The following ADAMTS17 variants were observed in gnomAD, a reference collection of about 807,000 sequenced individuals.
ADAMTS17 encodes the protein A disintegrin and metalloproteinase with thrombospondin motifs 17.
ADAMTS17 carries 113 observed loss-of-function variants against 141.5 expected under a neutral mutation model. That is an observed-to-expected ratio of 0.80 (90% confidence interval 0.69 to 0.93). The LOEUF is 0.93. ADAMTS17 is among the 40% of genes least tolerant of loss of function. The probability of loss-of-function intolerance (pLI) is 0.00; values close to 1 mark genes in which losing one functional copy is unlikely to be tolerated. For synonymous variants in ADAMTS17, 768 were observed against 630.6 expected, an observed-to-expected ratio of 1.22 and a Z score of -3.27; for missense variants, 1,659 against 1,517.9, an observed-to-expected ratio of 1.09 and a Z score of -1.54.
chr15:100,340,044 T>C (rs752167568), intron 2 of ADAMTS17, among the ~76,000 whole-genome samples: 9 of 152,144 alleles, frequency 5.9e-5, no homozygotes, highest in South Asian at 2.1e-4. Flanking sequence ...AGACACAAAC[T>C]AATATCAGAA....
At chr15:100,097,967 G>A (rs2035865192) in intron 14 of ADAMTS17, among the ~76,000 whole-genome samples, 1 of 152,218 alleles carries the variant, frequency 6.6e-6, no homozygotes, top group Admixed American at 6.5e-5. Context: ...AAGACTTTTA[G>A]ATGTTCTAAA....
At chr15:100,213,218 T>A (rs4246305) in intron 7 of ADAMTS17, among the ~76,000 whole-genome samples, 23,408 of 152,194 alleles carry the variant, frequency 0.15, 1,914 homozygotes, top group Non-Finnish European at 0.17. Context: ...TGAACATCCA[T>A]GGAGATGGAC....
chr15:100,053,954 C>T lies in ADAMTS17; in HGVS notation c.2238G>A (p.Arg746=). ...TGGCAGAGATCTTCTCCCACAGCCCCCTTCTCACATAGCGAACAGTTGTGC... is the reference window on the plus strand; with the variant it reads ...TGGCAGAGATCTTCTCCCACAGCCCTCTTCTCACATAGCGAACAGTTGTGC... ...IAGTTVRYVR[R]GLWEKISAKG... is the part of the protein sequence containing the mutation. The change falls in exon 16 of 22, where the codon AGG becomes AGA. Residue 746 remains arginine, a synonymous_variant. Transcript: ENST00000268070. 4 of 1,614,200 alleles carry T rather than the reference C, an allele frequency of 2.5e-6. No individual in the cohort carries two copies. The highest frequency in any genetic ancestry group is 1.3e-5 in the African/African-American group (1 of 75,036).
chr15:100,227,806 G>A (rs1337275913), intron 7 of ADAMTS17, among the ~76,000 whole-genome samples: 9 of 152,214 alleles, frequency 5.9e-5, no homozygotes, highest in African/African-American at 1.4e-4. Context: ...ATGGACTGTC[G>A]TGACCGGCTT....
At chr15:100,110,391 A>C (rs1000858648) in intron 13 of ADAMTS17, among the ~76,000 whole-genome samples, 1 of 151,302 alleles carries the variant, frequency 6.6e-6, no homozygotes, top group African/African-American at 2.4e-5. Flanking sequence ...CAGCCTCCCG[A>C]GTAGCTGGGA....
chr15:99,995,279 G>A (rs2060776754), intron 19 of ADAMTS17, among the ~76,000 whole-genome samples: 2 of 152,314 alleles, frequency 1.3e-5, no homozygotes, highest in South Asian at 2.1e-4. Context: ...CTGCAACCAG[G>A]AACCCATGCA....
chr15:100,067,961 T>C (rs1215050079), intron 15 of ADAMTS17, among the ~76,000 whole-genome samples: 1 of 152,144 alleles, frequency 6.6e-6, no homozygotes, highest in Non-Finnish European at 1.5e-5. Flanking sequence ...AGGCATCCCA[T>C]CACCCGGGAA....
At chr15:100,157,150 G>C (rs901099482) in intron 8 of ADAMTS17, among the ~76,000 whole-genome samples, 2 of 152,102 alleles carry the variant, frequency 1.3e-5, no homozygotes, top group Non-Finnish European at 2.9e-5. Context: ...CACAAGAACA[G>C]GACAGAGGAA....
intron 15 of ADAMTS17, among the ~76,000 whole-genome samples, chr15:100,074,711 G>T (rs542825236): frequency 6.6e-6 from 1 of 151,920 alleles, no homozygotes; most frequent in African/African-American, 2.4e-5. Context: ...TTCGGTTTTG[G>T]TATCAGTATT....
chr15:100,172,784 G>C (rs1011967752), intron 8 of ADAMTS17, among the ~76,000 whole-genome samples: 4 of 152,204 alleles, frequency 2.6e-5, no homozygotes, highest in African/African-American at 9.7e-5. Context: ...GTTCTGGTGT[G>C]CTCTCACCAT....
At chr15:100,244,234 C>A (rs2141912713) in intron 7 of ADAMTS17, among the ~76,000 whole-genome samples, 1 of 151,836 alleles carries the variant, frequency 6.6e-6, no homozygotes, top group South Asian at 2.1e-4. Flanking sequence ...CAATTACCTC[C>A]CACCAGGTCC....
intron 7 of ADAMTS17, among the ~76,000 whole-genome samples, chr15:100,227,349 C>T (rs1044100572): frequency 1.3e-5 from 1 of 77,228 alleles, no homozygotes; most frequent in African/African-American, 5.0e-5. Context: ...CAGAAATCCT[C>T]ACTACCCCCT....
At chr15:100,168,766 G>A (rs1227362945) in intron 8 of ADAMTS17, 3 of 152,208 alleles carry the variant, frequency 2.0e-5, no homozygotes, top group Non-Finnish European at 4.4e-5. Flanking sequence ...CATCCTCTGG[G>A]GTCTGCAACC....
At chr15:100,165,247 T>G (rs1241480662) in intron 8 of ADAMTS17, among the ~76,000 whole-genome samples, 1 of 152,226 alleles carries the variant, frequency 6.6e-6, no homozygotes, top group Non-Finnish European at 1.5e-5. Flanking sequence ...GGTCTCACCT[T>G]TCTCCACTCC....
At position 100,341,820 on chromosome 15, in the gene ADAMTS17, C is replaced by A; in HGVS notation, c.79+1G>T. 6.4e-7 allele frequency: 1 copy of A among 1,551,060 alleles called. No individual in the cohort carries two copies. Among genetic ancestry groups the A allele is most frequent in the Non-Finnish European group, 8.7e-7 (1 of 1,147,152 alleles). ...AAGAGGGCTGTGGGAGGGGGCGCTA[C>A]CTGTGCCCGGGTCCAGTCCCCAAAC... On this transcript the variant is annotated splice_donor_variant, in intron 1 of 21. Coordinates refer to ENST00000268070, the MANE Select transcript of ADAMTS17 (RefSeq NM_139057.4). LOFTEE classifies it high-confidence loss of function.
At chr15:100,317,450 C>T (rs8029650) in intron 3 of ADAMTS17, among the ~76,000 whole-genome samples, 6,099 of 152,178 alleles carry the variant, frequency 0.04, 219 homozygotes, top group African/African-American at 0.093. Context: ...TTCCCAGCCT[C>T]AAAGGAGCAG....
intron 8 of ADAMTS17, among the ~76,000 whole-genome samples, chr15:100,187,722 AG>A (rs754780373): frequency 4.6e-5 from 7 of 152,244 alleles, no homozygotes; most frequent in Admixed American, 6.5e-5. Context: ...CCAAAAGGGC[AG>A]CCACGGGACC....
chr15:100,088,407 T>C (rs1424100238), intron 15 of ADAMTS17, among the ~76,000 whole-genome samples: 5 of 152,192 alleles, frequency 3.3e-5, no homozygotes, highest in Non-Finnish European at 7.3e-5. Flanking sequence ...AAAATGGCCA[T>C]ACTGCCCAAG....
chr15:100,332,730 G>A (rs543336458), intron 2 of ADAMTS17, among the ~76,000 whole-genome samples: 20 of 152,348 alleles, frequency 1.3e-4, no homozygotes, highest in African/African-American at 4.8e-4. Flanking sequence ...CTTAGGGAAG[G>A]TTTTTCTTTA....
Sources: allele counts gnomAD v4.1 joint callset (sites outside exome capture counted in the v4.1 genomes callset), GRCh38; gene constraint gnomAD v4.1.1; transcripts MANE v1.5; gene names NCBI Gene and HGNC (gene_info 2026-07-23, HGNC 2026-07-21).